KCNH7: variants seen among roughly 807,000 people sequenced by gnomAD.
KCNH7 encodes the protein voltage-gated inwardly rectifying potassium channel KCNH7.
In KCNH7, 49 loss-of-function variants were observed where a neutral mutation model predicts 120.8. The observed-to-expected ratio is 0.41, with a 90% confidence interval of 0.32 to 0.51. The LOEUF (loss-of-function observed/expected upper bound fraction) is 0.51. Among genes scored for constraint, KCNH7 ranks in the 20% least tolerant of loss-of-function variants. KCNH7 has a pLI of 0.38. For synonymous variants in KCNH7, 547 were observed against 516.1 expected, an observed-to-expected ratio of 1.06 and a Z score of -0.81; for missense variants, 1,097 against 1,446.6, an observed-to-expected ratio of 0.76 and a Z score of 3.92.
chr2:162,411,936 G>C (rs1365552523), intron 9 of KCNH7, among the ~76,000 whole-genome samples: 1 of 151,716 alleles, frequency 6.6e-6, no homozygotes, highest in Non-Finnish European at 1.5e-5. Context: ...TCCTCAAGAG[G>C]ACCACCTACC....
At chr2:162,708,076 T>G (rs1237033954) in intron 2 of KCNH7, among the ~76,000 whole-genome samples, 2 of 152,132 alleles carry the variant, frequency 1.3e-5, no homozygotes, top group African/African-American at 4.8e-5. Context: ...TCTTATTTAT[T>G]TAATAAATTT....
At chr2:162,426,273 T>A (rs1483812325) in intron 8 of KCNH7, among the ~76,000 whole-genome samples, 1 of 151,834 alleles carries the variant, frequency 6.6e-6, no homozygotes, top group African/African-American at 2.4e-5. Context: ...ATTCTGTGAT[T>A]ATGACTTTTA....
chr2:162,603,673 G>A (rs1218746380), intron 2 of KCNH7, among the ~76,000 whole-genome samples: 1 of 151,936 alleles, frequency 6.6e-6, no homozygotes, highest in Non-Finnish European at 1.5e-5. Context: ...AAAAGGAAAA[G>A]AAACAAGAAA....
At chr2:162,392,350 T>G (rs890714916) in intron 12 of KCNH7, among the ~76,000 whole-genome samples, 1 of 151,746 alleles carries the variant, frequency 6.6e-6, no homozygotes. Context: ...TAAGGGAATA[T>G]TATAAGGAAA....
chr2:162,621,851 T>G (rs12471674), intron 2 of KCNH7, among the ~76,000 whole-genome samples: 8,220 of 152,222 alleles, frequency 0.054, 455 homozygotes, highest in African/African-American at 0.13. Context: ...TAATGATCTG[T>G]TTGCATGATT....
intron 2 of KCNH7, among the ~76,000 whole-genome samples, chr2:162,577,051 G>A (rs1693693702): frequency 6.6e-6 from 1 of 151,690 alleles, no homozygotes; most frequent in Non-Finnish European, 1.5e-5. Flanking sequence ...GAGTAGCTGG[G>A]ACTATAGGTG....
chr2:162,721,202 A>G (rs1687314519), intron 2 of KCNH7, among the ~76,000 whole-genome samples: 1 of 152,170 alleles, frequency 6.6e-6, no homozygotes, highest in Non-Finnish European at 1.5e-5. Context: ...AATATTTGTA[A>G]GTATATAGAA....
intron 2 of KCNH7, among the ~76,000 whole-genome samples, chr2:162,773,725 AC>A (rs1456390747): frequency 2.6e-5 from 4 of 152,282 alleles, no homozygotes; most frequent in South Asian, 4.1e-4. Context: ...CTGGCATCAA[AC>A]TTTAGCTTAT....
At chr2:162,651,868 A>G (rs1209939091) in intron 2 of KCNH7, among the ~76,000 whole-genome samples, 1 of 152,054 alleles carries the variant, frequency 6.6e-6, no homozygotes, top group African/African-American at 2.4e-5. Flanking sequence ...AGCATCTGCT[A>G]TTTTTTGGCT....
At chr2:162,609,001 T>G (rs1217440286) in intron 2 of KCNH7, among the ~76,000 whole-genome samples, 3 of 152,250 alleles carry the variant, frequency 2.0e-5, no homozygotes, top group Non-Finnish European at 2.9e-5. Context: ...CCCCTTTGAT[T>G]CAATTTGATA....
intron 2 of KCNH7, among the ~76,000 whole-genome samples, chr2:162,680,854 T>C (rs1032419190): frequency 1.3e-5 from 2 of 151,718 alleles, no homozygotes; most frequent in Non-Finnish European, 3.0e-5. Flanking sequence ...AGATAGGAGA[T>C]GAGATCAGGA....
chr2:162,624,900 T>G (rs1264551144), intron 2 of KCNH7, among the ~76,000 whole-genome samples: 2 of 140,816 alleles, frequency 1.4e-5, no homozygotes, highest in African/African-American at 5.4e-5. Flanking sequence ...TTTTTTTTTT[T>G]TTTTTTTTTT....
intron 6 of KCNH7, among the ~76,000 whole-genome samples, chr2:162,474,562 T>C (rs924162503): frequency 1.3e-5 from 2 of 152,236 alleles, no homozygotes; most frequent in African/African-American, 2.4e-5. Flanking sequence ...CTGGACTTAC[T>C]GACTTGCTTC....
chr2:162,505,245 G>GC (rs1246347997), intron 5 of KCNH7, among the ~76,000 whole-genome samples: 1 of 151,860 alleles, frequency 6.6e-6, no homozygotes, highest in African/African-American at 2.4e-5. Context: ...AGGGTGAAAG[G>GC]CCATTTTTGT....
chr2:162,832,181 T>C (rs1270438195), intron 2 of KCNH7, among the ~76,000 whole-genome samples: 1 of 152,142 alleles, frequency 6.6e-6, no homozygotes, highest in Non-Finnish European at 1.5e-5. Flanking sequence ...AAGCAAACTC[T>C]AGGCAAGATA....
intron 2 of KCNH7, among the ~76,000 whole-genome samples, chr2:162,645,921 C>G (rs1250812204): frequency 4.6e-5 from 7 of 152,172 alleles, no homozygotes; most frequent in Non-Finnish European, 8.8e-5. Context: ...CTACACAAAT[C>G]ACCCTTTTCC....
intron 7 of KCNH7, among the ~76,000 whole-genome samples, chr2:162,442,175 G>A (rs764263220): frequency 2.6e-5 from 4 of 151,202 alleles, no homozygotes; most frequent in African/African-American, 4.9e-5. Flanking sequence ...ACAGGCGCCC[G>A]CCACCACGCC....
intron 2 of KCNH7, among the ~76,000 whole-genome samples, chr2:162,610,043 G>A (rs1682912327): frequency 6.6e-6 from 1 of 152,172 alleles, no homozygotes; most frequent in African/African-American, 2.4e-5. Flanking sequence ...TCTCTCACTA[G>A]CACTTTTACA....
intron 13 of KCNH7, among the ~76,000 whole-genome samples, chr2:162,382,904 T>C (rs538167162): frequency 6.6e-6 from 1 of 152,022 alleles, no homozygotes; most frequent in Non-Finnish European, 1.5e-5. Context: ...TCAATTGACA[T>C]GCATATTTAG....
Sources: allele counts gnomAD v4.1 joint callset (sites outside exome capture counted in the v4.1 genomes callset), GRCh38; gene constraint gnomAD v4.1.1; transcripts MANE v1.5; gene names NCBI Gene and HGNC (gene_info 2026-07-23, HGNC 2026-07-21).